Variants in NEDD9 observed in about 807,000 individuals in gnomAD.
NEDD9 encodes neural precursor cell expressed, developmentally down-regulated 9.
NEDD9 carries 26 observed loss-of-function variants against 76.6 expected under a neutral mutation model. The ratio of observed to expected loss-of-function variants is 0.34; its 90% CI spans 0.25 to 0.47. The LOEUF (loss-of-function observed/expected upper bound fraction) is 0.47, where lower values mean the gene tolerates loss of function less well. Among genes scored for constraint, NEDD9 ranks in the 20% least tolerant of loss-of-function variants. The pLI, the probability that NEDD9 is intolerant of heterozygous loss-of-function variation, is 1.00. For synonymous variants in NEDD9, 392 were observed against 414.2 expected (o/e 0.95, Z 0.65); for missense variants, 937 against 1,058.5 (o/e 0.89, Z 1.59).
intron 1 of NEDD9, among the ~76,000 whole-genome samples, chr6:11,362,150 CG>C (rs1303233862): frequency 6.6e-6 from 1 of 152,074 alleles, no homozygotes; most frequent in Non-Finnish European, 1.5e-5. Context: ...GATGTAGTGC[CG>C]TTATGAAAGA....
intron 3 of NEDD9, among the ~76,000 whole-genome samples, chr6:11,246,289 C>T (rs1263874996): frequency 2.0e-5 from 3 of 152,224 alleles, no homozygotes; most frequent in African/African-American, 7.2e-5. Flanking sequence ...AGAGGCACAA[C>T]TTGCCTCAGG....
intron 3 of NEDD9, chr6:11,192,660 C>T: frequency 2.5e-6 from 1 of 406,696 alleles, no homozygotes; most frequent in South Asian, 2.8e-5. Context: ...TTTGGCCAGG[C>T]ACGGTGGCTC....
chr6:11,203,179 G>T (rs1758505647), intron 2 of NEDD9, among the ~76,000 whole-genome samples: 1 of 152,212 alleles, frequency 6.6e-6, no homozygotes, highest in Non-Finnish European at 1.5e-5. Flanking sequence ...AGTGGTTGAG[G>T]TCTTTCTCAG....
At chr6:11,217,359 A>C (rs1758983414) in intron 1 of NEDD9, among the ~76,000 whole-genome samples, 1 of 152,220 alleles carries the variant, frequency 6.6e-6, no homozygotes, top group Admixed American at 6.5e-5. Flanking sequence ...AAAACCCCAG[A>C]GAGGCAGTTT....
At chr6:11,224,881 A>G (rs975844609) in intron 1 of NEDD9, among the ~76,000 whole-genome samples, 1 of 152,210 alleles carries the variant, frequency 6.6e-6, no homozygotes, top group Non-Finnish European at 1.5e-5. Flanking sequence ...GTGGACTGTC[A>G]TGAATCACTG....
intron 1 of NEDD9, among the ~76,000 whole-genome samples, chr6:11,379,268 G>C (rs1238390481): frequency 2.8e-5 from 3 of 106,718 alleles, no homozygotes; most frequent in Non-Finnish European, 5.9e-5. Context: ...TGTCAGGACT[G>C]TCAGCAACGT....
intron 3 of NEDD9, among the ~76,000 whole-genome samples, chr6:11,266,380 G>A (rs910903128): frequency 5.9e-5 from 9 of 152,108 alleles, no homozygotes; most frequent in African/African-American, 1.4e-4. Flanking sequence ...GCTGCCAAAC[G>A]TATTACAATG....
At position 11,241,776 on chromosome 6, in the gene NEDD9, C is replaced by G. The variant is rs1413435499; in HGVS notation, c.13-28049G>C. Among the ~76,000 whole-genome samples, 1 of 152,208 alleles carries G rather than the reference C, an allele frequency of 6.6e-6. No homozygotes were observed. The highest frequency in any genetic ancestry group is 2.4e-5 in the African/African-American group (1 of 41,448). On this transcript the variant is annotated intron_variant, in intron 3 of 3. Coordinates refer to the NEDD9 transcript ENST00000397378. This position sits in a 1 kb window ranked among gnomAD's most constrained non-coding sequence, Gnocchi z 4.0. ...CAGCCCTCCAAGAAGGCCTCCCTCC[C>G]GTGCCCCGCTGCCCTCATCAGCTGA...
intron 1 of NEDD9, among the ~76,000 whole-genome samples, chr6:11,362,354 T>G: frequency 6.6e-6 from 1 of 152,214 alleles, no homozygotes; most frequent in Non-Finnish European, 1.5e-5. Flanking sequence ...TCCAAACTTA[T>G]GAGTACACTG....
intron 3 of NEDD9, among the ~76,000 whole-genome samples, chr6:11,251,934 G>A (rs868418197): frequency 1.3e-5 from 2 of 152,116 alleles, no homozygotes; most frequent in Non-Finnish European, 2.9e-5. Context: ...CTCTATGTAT[G>A]TGTGTGTGGG....
intron 3 of NEDD9, among the ~76,000 whole-genome samples, chr6:11,192,827 G>A (rs923992899): frequency 1.3e-5 from 2 of 149,954 alleles, no homozygotes; most frequent in Non-Finnish European, 3.0e-5. Flanking sequence ...CAGCTACTTG[G>A]GAGGCTGAGA....
chr6:11,250,737 C>G (rs1759900337), intron 3 of NEDD9, among the ~76,000 whole-genome samples: 1 of 152,162 alleles, frequency 6.6e-6, no homozygotes, highest in Admixed American at 6.5e-5. Context: ...GCGCAGAGCC[C>G]CACATCCCGT....
Position 11,232,484 on chromosome 6 carries a change from T to C in NEDD9, c.12+20A>G, listed in dbSNP as rs1759510173. 2 of 1,614,068 alleles carry C rather than the reference T, an allele frequency of 1.2e-6. No homozygotes were observed. Among genetic ancestry groups the C allele is most frequent in the African/African-American group, 1.3e-5 (1 of 74,942 alleles). ...ACAGCTTTCAGCTTGCAAGGTAACCTGTAAAAGGCACTCTCTTACCTTATA... is the reference window on the plus strand; with the variant it reads ...ACAGCTTTCAGCTTGCAAGGTAACCCGTAAAAGGCACTCTCTTACCTTATA... On this transcript the variant is annotated intron_variant, in intron 1 of 6. Transcript: ENST00000379446.
At chr6:11,219,034 A>G (rs1457910147) in intron 1 of NEDD9, among the ~76,000 whole-genome samples, 2 of 152,190 alleles carry the variant, frequency 1.3e-5, no homozygotes, top group African/African-American at 2.4e-5. Flanking sequence ...ACAGAGCACC[A>G]TTCAAACACT....
chr6:11,323,022 T>C (rs890060187), intron 2 of NEDD9, among the ~76,000 whole-genome samples: 1 of 151,128 alleles, frequency 6.6e-6, no homozygotes, highest in East Asian at 1.9e-4. Flanking sequence ...AGATACGCTG[T>C]TATGTTATAG....
intron 1 of NEDD9, among the ~76,000 whole-genome samples, chr6:11,337,518 G>T (rs1323133670): frequency 6.6e-6 from 1 of 152,186 alleles, no homozygotes; most frequent in African/African-American, 2.4e-5. Flanking sequence ...ATGCCACTAG[G>T]TGATAGGAAA....
chr6:11,278,649 A>G (rs1760467733), intron 3 of NEDD9, among the ~76,000 whole-genome samples: 1 of 152,218 alleles, frequency 6.6e-6, no homozygotes, highest in Admixed American at 6.5e-5. Flanking sequence ...CACAATTCTA[A>G]CAGATAAGAT....
intron 3 of NEDD9, among the ~76,000 whole-genome samples, chr6:11,289,809 G>A (rs1760728025): frequency 6.6e-6 from 1 of 152,142 alleles, no homozygotes; most frequent in Non-Finnish European, 1.5e-5. Context: ...GGGGTGGGGA[G>A]GGTAGGGAAG....
chr6:11,209,950 T>C (rs1050065208), intron 2 of NEDD9, among the ~76,000 whole-genome samples: 9 of 145,556 alleles, frequency 6.2e-5, no homozygotes, highest in African/African-American at 1.9e-4. Flanking sequence ...GTTGAAGTGA[T>C]AGAAGGCAGA....
Sources: allele counts gnomAD v4.1 joint callset (sites outside exome capture counted in the v4.1 genomes callset), GRCh38; gene constraint gnomAD v4.1.1; non-coding constraint Gnocchi (gnomAD v3.1); transcripts MANE v1.5; gene names NCBI Gene and HGNC (gene_info 2026-07-23, HGNC 2026-07-21).